The following FOXN3 variants were observed in gnomAD, a reference collection of about 807,000 sequenced individuals.
The protein encoded by FOXN3 is forkhead box N3, also known as forkhead box protein N3.
In FOXN3, 7 loss-of-function variants were observed where a neutral mutation model predicts 38.4. The ratio of observed to expected loss-of-function variants is 0.18; its 90% confidence interval spans 0.10 to 0.34. The LOEUF (loss-of-function observed/expected upper bound fraction) is 0.34, where lower values mean the gene tolerates loss of function less well. Ranked by LOEUF, FOXN3 falls within the 10% of genes least tolerant of loss-of-function variation. The pLI, the probability that FOXN3 is intolerant of heterozygous loss-of-function variation, is 1.00. For synonymous variants in FOXN3, 230 were observed against 242.2 expected (o/e 0.95, Z 0.47); for missense variants, 456 against 613.4 (o/e 0.74, Z 2.71).
At chr14:89,396,363 C>T (rs1891098263) in intron 2 of FOXN3, among the ~76,000 whole-genome samples, 1 of 152,208 alleles carries the variant, frequency 6.6e-6, no homozygotes. Context: ...CAAGGGGCAG[C>T]TGACCAAGGC....
chr14:89,444,959 A>G (rs1892463290), intron 1 of FOXN3, among the ~76,000 whole-genome samples: 1 of 145,068 alleles, frequency 6.9e-6, no homozygotes, highest in South Asian at 2.1e-4. Flanking sequence ...CATCTCTACA[A>G]AAAAAATACA....
At chr14:89,598,782 C>A (rs1175625251) in intron 1 of FOXN3, among the ~76,000 whole-genome samples, 1 of 152,180 alleles carries the variant, frequency 6.6e-6, no homozygotes, top group African/African-American at 2.4e-5. Context: ...ACTCCCCAAC[C>A]ATGATGCTTT....
rs765586350 is a variant in FOXN3 at position 89,326,604 on chromosome 14, G to C, written c.680+24068C>G. Among the ~76,000 whole-genome samples the C allele has an allele frequency of 2.8e-4, 42 of 152,156 alleles. 1 individual carries two copies. The highest frequency in any genetic ancestry group is 8.8e-5 in the Non-Finnish European group (6 of 68,030). Reference sequence around the variant, plus strand: ...TCCCATAAAGCAGGCTCTGTCGAGAGAGCAAACAAACAGGGCTGTAATAAT... The same window carrying C: ...TCCCATAAAGCAGGCTCTGTCGAGACAGCAAACAAACAGGGCTGTAATAAT... On this transcript the variant is annotated intron_variant, in intron 3 of 5. Coordinates refer to ENST00000557258, the MANE Select transcript of FOXN3 (RefSeq NM_005197.4).
intron 4 of FOXN3, among the ~76,000 whole-genome samples, chr14:89,250,506 A>G (rs1013969977): frequency 1.3e-5 from 2 of 152,226 alleles, no homozygotes; most frequent in African/African-American, 4.8e-5. Flanking sequence ...AGAACTGCAA[A>G]AACACCTGTT....
Position 89,159,288 on chromosome 14 carries a change from T to A in FOXN3, c.*3126A>T, listed in dbSNP as rs1334550745. 1 of 152,598 alleles carries A rather than the reference T, an allele frequency of 6.6e-6. No homozygotes were observed. The highest frequency in any genetic ancestry group is 1.5e-5 in the Non-Finnish European group (1 of 68,042). The allele number at this position is 152,598 out of a possible 1,614,324, so 9.5% of individuals were successfully genotyped here. Reference sequence around the variant, plus strand: ...TACAAAGTTAAACACAATTGAGCCATTGTTTTGGTTATGCATAATGTGTAT... The same window carrying A: ...TACAAAGTTAAACACAATTGAGCCAATGTTTTGGTTATGCATAATGTGTAT... On this transcript the variant is annotated 3_prime_UTR_variant, in exon 6 of 6. Coordinates refer to ENST00000557258, the MANE Select transcript of FOXN3 (RefSeq NM_005197.4).
At chr14:89,254,075 T>C (rs1265612234) in intron 4 of FOXN3, among the ~76,000 whole-genome samples, 1 of 152,140 alleles carries the variant, frequency 6.6e-6, no homozygotes, top group Non-Finnish European at 1.5e-5. Context: ...CTGTGTCACA[T>C]ACTAACAACA....
chr14:89,487,637 T>G (rs1260743090), intron 1 of FOXN3, among the ~76,000 whole-genome samples: 2 of 152,142 alleles, frequency 1.3e-5, no homozygotes, highest in African/African-American at 4.8e-5. Context: ...TAAGCTCCTA[T>G]AAGGACAAAG....
chr14:89,168,425 G>A (rs563122257), intron 5 of FOXN3, among the ~76,000 whole-genome samples: 2 of 152,246 alleles, frequency 1.3e-5, no homozygotes, highest in Admixed American at 6.5e-5. Context: ...GAGCCCAGGG[G>A]ATCAAGACTA....
At chr14:89,416,501 G>C (rs896865811) in intron 1 of FOXN3, among the ~76,000 whole-genome samples, 1 of 152,126 alleles carries the variant, frequency 6.6e-6, no homozygotes, top group African/African-American at 2.4e-5. Context: ...GTTTGGCCGG[G>C]GGGTGATCTT....
At chr14:89,304,539 G>GT (rs1887318125) in intron 3 of FOXN3, among the ~76,000 whole-genome samples, 2 of 152,106 alleles carry the variant, frequency 1.3e-5, no homozygotes, top group South Asian at 4.1e-4. Flanking sequence ...TCTAAGGGCT[G>GT]TTTTTTTAGA....
At chr14:89,535,415 C>G (rs887307262) in intron 1 of FOXN3, among the ~76,000 whole-genome samples, 4 of 152,180 alleles carry the variant, frequency 2.6e-5, no homozygotes, top group Non-Finnish European at 4.4e-5. Context: ...AGACATGGAA[C>G]AGCATTTTAT....
At chr14:89,226,072 C>T (rs1181429004) in intron 4 of FOXN3, among the ~76,000 whole-genome samples, 1 of 129,686 alleles carries the variant, frequency 7.7e-6, no homozygotes, top group Non-Finnish European at 1.5e-5. Flanking sequence ...GGCAAGAATG[C>T]CATTCTGATG....
intron 1 of FOXN3, among the ~76,000 whole-genome samples, chr14:89,505,844 G>C (rs528082013): frequency 3.3e-5 from 5 of 150,852 alleles, no homozygotes; most frequent in Admixed American, 6.6e-5. Context: ...GTCTCTGCCC[G>C]GCCACCCATC....
chr14:89,463,668 C>G (rs1892904088), intron 1 of FOXN3, among the ~76,000 whole-genome samples: 1 of 152,210 alleles, frequency 6.6e-6, no homozygotes, highest in African/African-American at 2.4e-5. Flanking sequence ...GCCTCAGCCA[C>G]TGGAGCCTGG....
chr14:89,526,611 A>G (rs1894437276), intron 1 of FOXN3, among the ~76,000 whole-genome samples: 1 of 152,210 alleles, frequency 6.6e-6, no homozygotes, highest in Non-Finnish European at 1.5e-5. Flanking sequence ...AAGGACCTAA[A>G]TAAGCGGAGC....
At chr14:89,446,889 C>T (rs1377314497) in intron 1 of FOXN3, among the ~76,000 whole-genome samples, 2 of 152,150 alleles carry the variant, frequency 1.3e-5, no homozygotes, top group Non-Finnish European at 2.9e-5. Flanking sequence ...TTGTACAGAT[C>T]TCTATTTCCT....
chr14:89,455,304 G>C (rs1025606582), intron 1 of FOXN3, among the ~76,000 whole-genome samples: 7 of 152,248 alleles, frequency 4.6e-5, no homozygotes, highest in Admixed American at 2.6e-4. Context: ...AGCTCCGCTA[G>C]CATCATCTGG....
chr14:89,540,402 C>T (rs895145495), intron 1 of FOXN3, among the ~76,000 whole-genome samples: 1 of 151,990 alleles, frequency 6.6e-6, no homozygotes, highest in Admixed American at 6.6e-5. Context: ...TTTAAAATCT[C>T]GCATATAAAG....
At chr14:89,394,900 T>TTGTATTACAA (rs1891062797) in intron 2 of FOXN3, among the ~76,000 whole-genome samples, 1 of 152,222 alleles carries the variant, frequency 6.6e-6, no homozygotes, top group African/African-American at 2.4e-5. Flanking sequence ...AACTAAGGGA[T>TTGTATTACAA]CTCCTAGAAT....
Sources: allele counts gnomAD v4.1 joint callset (sites outside exome capture counted in the v4.1 genomes callset), GRCh38; gene constraint gnomAD v4.1.1; transcripts MANE v1.5; gene names NCBI Gene and HGNC (gene_info 2026-07-23, HGNC 2026-07-21).